The following SSH2 variants were observed in gnomAD, a reference collection of about 807,000 sequenced individuals.
SSH2 encodes the protein slingshot protein phosphatase 2.
A neutral mutation model predicts 135.2 loss-of-function variants in SSH2; 37 were observed. The observed-to-expected ratio is 0.27, with a 90% CI of 0.21 to 0.36. The LOEUF (loss-of-function observed/expected upper bound fraction) is 0.36. SSH2 is among the 10% of genes least tolerant of loss of function. The pLI, the probability that SSH2 is intolerant of heterozygous loss-of-function variation, is 1.00. For missense variants in SSH2, 1,408 were observed against 1,765.3 expected (o/e 0.80, Z 3.63); for synonymous variants, 628 against 646.2 (o/e 0.97, Z 0.43).
chr17:29,822,507 G>A (rs569708168), intron 2 of SSH2, among the ~76,000 whole-genome samples: 2 of 152,004 alleles, frequency 1.3e-5, no homozygotes, highest in Non-Finnish European at 1.5e-5. Context: ...GACTACAGGC[G>A]TGTATCACTA....
chr17:29,704,619 C>A lies in SSH2; in HGVS notation c.189-1557G>T, dbSNP rs137924717. On this transcript the variant is annotated intron_variant, in intron 3 of 15. Coordinates refer to ENST00000540801, the MANE Select transcript of SSH2 (RefSeq NM_001282129.2). ...TCAGGAGGGTGAGGTGGGAGGATCA[C>A]TTGAGCCTAGGAGTTCGAGATTATA... 4.0e-5 allele frequency among the ~76,000 whole-genome samples: 6 copies of A among 149,412 alleles called. No homozygotes were observed. The East Asian group carries it at 1.2e-3, about 30-fold the overall frequency.
intron 3 of SSH2, among the ~76,000 whole-genome samples, chr17:29,704,745 G>A (rs538448248): frequency 6.7e-6 from 1 of 148,702 alleles, no homozygotes; most frequent in South Asian, 2.1e-4. Flanking sequence ...AAAAACTAGT[G>A]GATACCCACA....
rs564979271 is a variant in SSH2, at chr17:29,929,837, A to AGCGGC, written c.63+96_63+100dup. The AGCGGC allele has an allele frequency of 2.1e-4, 236 of 1,142,076 alleles. No individual in the cohort carries two copies. The African/African-American group carries it at 2.7e-3, about 13-fold the overall frequency. The allele number at this position is 1,142,076 out of a possible 1,614,324, so 70.7% of individuals were successfully genotyped here. The stretch of plus-strand genomic sequence containing the variant: ...GGCAGCCGAGTGCCAAGGCCTGGGA[A>AGCGGC]GCGGCGCGGCGCGTGCGCAGTGGCG... On this transcript the variant is annotated intron_variant, in intron 1 of 15. Coordinates refer to ENST00000540801, the MANE Select transcript of SSH2 (RefSeq NM_001282129.2).
At chr17:29,752,974 C>A (rs1295917305) in intron 3 of SSH2, among the ~76,000 whole-genome samples, 3 of 152,072 alleles carry the variant, frequency 2.0e-5, no homozygotes, top group African/African-American at 7.2e-5. Context: ...TGCATCCTGG[C>A]TGGATAATCT....
At chr17:29,682,047 A>G (rs1358324248) in intron 6 of SSH2, among the ~76,000 whole-genome samples, 1 of 152,250 alleles carries the variant, frequency 6.6e-6, no homozygotes, top group Non-Finnish European at 1.5e-5. Context: ...CACTGGTCAG[A>G]TATGATTCAG....
At chr17:29,643,426 T>G in intron 14 of SSH2, 1 of 254,944 alleles carries the variant, frequency 3.9e-6, no homozygotes, top group South Asian at 1.5e-4. Flanking sequence ...TTTTTTTTTT[T>G]TTTGACACGG....
intron 3 of SSH2, chr17:29,775,656 A>C (rs1003431930): frequency 6.6e-6 from 1 of 152,170 alleles, no homozygotes; most frequent in Non-Finnish European, 1.5e-5. Context: ...TATGCATTCA[A>C]ACTTGTTCCT....
At chr17:29,647,991 TTA>T in intron 14 of SSH2, 151 bp downstream of exon 14, 2 of 764,712 alleles carry the variant, frequency 2.6e-6, no homozygotes, top group Non-Finnish European at 4.3e-6. Flanking sequence ...ATGCTTACAC[TTA>T]TGTTTTGAAA....
chr17:29,747,851 T>A (rs2040811849), intron 3 of SSH2, among the ~76,000 whole-genome samples: 1 of 152,214 alleles, frequency 6.6e-6, no homozygotes, highest in South Asian at 2.1e-4. Flanking sequence ...CAAGATGATC[T>A]ACAGCAGTTT....
chr17:29,656,564 C>T (rs1243869823), intron 11 of SSH2, among the ~76,000 whole-genome samples: 2 of 152,140 alleles, frequency 1.3e-5, no homozygotes, highest in Non-Finnish European at 2.9e-5. Context: ...GAAATAGCAG[C>T]TTCTGTCAAA....
At position 29,626,735 on chromosome 17, in the gene SSH2, T is replaced by G. The variant is rs1251496678; in HGVS notation, c.*4106A>C. 2 of 152,620 alleles carry G rather than the reference T, an allele frequency of 1.3e-5. No individual in the cohort carries two copies. Among genetic ancestry groups the G allele is most frequent in the Non-Finnish European group, 2.9e-5 (2 of 68,042 alleles). The allele number at this position is 152,620 out of a possible 1,614,324, so 9.5% of individuals were successfully genotyped here. On this transcript the variant is annotated 3_prime_UTR_variant, in exon 16 of 16. Transcript: ENST00000540801. ...GGTTAGGAGTGTGCAGCTTCCTGCT[T>G]TGGTGGCAGGCCTTTTCCTAATATG...
chr17:29,813,773 G>T (rs1599034817), intron 2 of SSH2, among the ~76,000 whole-genome samples: 1 of 151,338 alleles, frequency 6.6e-6, no homozygotes, highest in Admixed American at 6.6e-5. Context: ...AGCTGAGATT[G>T]CGCCACTGCA....
At chr17:29,799,667 G>A (rs970173282) in intron 2 of SSH2, among the ~76,000 whole-genome samples, 2 of 152,138 alleles carry the variant, frequency 1.3e-5, no homozygotes, top group Admixed American at 1.3e-4. Flanking sequence ...TGAGAATTGT[G>A]ATGAGAATAT....
intron 1 of SSH2, among the ~76,000 whole-genome samples, chr17:29,887,795 T>C (rs2066268345): frequency 6.6e-6 from 1 of 152,246 alleles, no homozygotes; most frequent in Non-Finnish European, 1.5e-5. Flanking sequence ...TACTAAATAC[T>C]AATTTTAGAA....
At chr17:29,815,158 C>T (rs1053187085) in intron 2 of SSH2, among the ~76,000 whole-genome samples, 1 of 142,214 alleles carries the variant, frequency 7.0e-6, no homozygotes, top group Non-Finnish European at 1.5e-5. Flanking sequence ...CAGAGTCTCG[C>T]TCTGCCCCCA....
intron 11 of SSH2, among the ~76,000 whole-genome samples, chr17:29,660,103 C>T (rs1216046081): frequency 2.6e-5 from 4 of 151,920 alleles, no homozygotes; most frequent in Non-Finnish European, 4.4e-5. Context: ...GCTGGGATTA[C>T]AGGCGTGAGC....
intron 3 of SSH2, among the ~76,000 whole-genome samples, chr17:29,778,661 A>AAAATAAAT (rs35357918): frequency 5.0e-4 from 72 of 142,906 alleles, no homozygotes; most frequent in East Asian, 3.2e-3. Context: ...TAAATAAATA[A>AAAATAAAT]AAATAAATAA....
At chr17:29,672,828 C>T (rs776971045) in intron 8 of SSH2, among the ~76,000 whole-genome samples, 1 of 152,044 alleles carries the variant, frequency 6.6e-6, no homozygotes, top group Non-Finnish European at 1.5e-5. Context: ...CTCAGCCTCC[C>T]GAGTAGTAGC....
At chr17:29,880,985 G>A (rs146535234) in intron 1 of SSH2, among the ~76,000 whole-genome samples, 8 of 152,172 alleles carry the variant, frequency 5.3e-5, no homozygotes, top group African/African-American at 1.9e-4. Context: ...TTCATTTATG[G>A]CTCAATTCTT....
Sources: gnomAD v4.1 joint callset for allele counts (sites outside exome capture counted in the v4.1 genomes callset) on GRCh38, gnomAD v4.1.1 for gene constraint, MANE v1.5 for transcripts, NCBI Gene and HGNC (gene_info 2026-07-23, HGNC 2026-07-21) for gene names.